Variants in ANKRD30BL observed in about 807,000 individuals in gnomAD.
The protein encoded by ANKRD30BL is ankyrin repeat domain 30B like, also known as putative ankyrin repeat domain-containing protein 30B-like.
Under a neutral mutation model 18.4 loss-of-function variants are expected in ANKRD30BL, and 20 were observed. That is an observed-to-expected ratio of 1.09 (90% confidence interval 0.77 to 1.58). ANKRD30BL has a LOEUF of 1.58. Among genes scored for constraint, ANKRD30BL ranks in the 40% most tolerant of loss-of-function variants. ANKRD30BL has a pLI of 0.00. For synonymous variants in ANKRD30BL, 72 were observed against 100.9 expected, an observed-to-expected ratio of 0.71 and a Z score of 1.72; for missense variants, 224 against 268.6, an observed-to-expected ratio of 0.83 and a Z score of 1.16.
At chr2:132,221,392 C>A (rs1439378449) in intron 1 of ANKRD30BL, among the ~76,000 whole-genome samples, 18 of 136,800 alleles carry the variant, frequency 1.3e-4, no homozygotes, top group African/African-American at 5.1e-4. Context: ...CCCTGCCCGG[C>A]CAGCCGCCCC....
intron 1 of ANKRD30BL, among the ~76,000 whole-genome samples, chr2:132,208,912 T>A (rs1173326797): frequency 6.6e-6 from 1 of 151,120 alleles, no homozygotes; most frequent in African/African-American, 2.4e-5. Flanking sequence ...GAGTTGAACT[T>A]TTCTTTTGAT....
At chr2:132,214,553 A>C (rs1423733711) in intron 1 of ANKRD30BL, among the ~76,000 whole-genome samples, 1 of 151,850 alleles carries the variant, frequency 6.6e-6, no homozygotes, top group African/African-American at 2.4e-5. Context: ...TGATATGTGC[A>C]TTCATATCAT....
chr2:132,198,324 C>CT (rs773252461), intron 1 of ANKRD30BL, among the ~76,000 whole-genome samples: 2,914 of 16,842 alleles, frequency 0.17, 217 homozygotes, highest in Non-Finnish European at 0.27. Context: ...TTCTTTCTTT[C>CT]TTTTTTTTTT....
intron 1 of ANKRD30BL, among the ~76,000 whole-genome samples, chr2:132,211,658 G>A (rs1473663336): frequency 6.6e-6 from 1 of 152,016 alleles, no homozygotes; most frequent in Admixed American, 6.6e-5. Flanking sequence ...TGATTGAGCA[G>A]TTTTGAAACC....
At chr2:132,150,231 C>A (rs1687721844) in intron 5 of ANKRD30BL, among the ~76,000 whole-genome samples, 1 of 125,690 alleles carries the variant, frequency 8.0e-6, no homozygotes, top group Non-Finnish European at 1.5e-5. Context: ...AATAAAGAAA[C>A]AAACAAATAA....
intron 1 of ANKRD30BL, among the ~76,000 whole-genome samples, chr2:132,227,151 A>G (rs1346587596): frequency 2.0e-5 from 3 of 152,084 alleles, no homozygotes; most frequent in Non-Finnish European, 2.9e-5. Context: ...CTTTTTGTAG[A>G]ATATGCTAGT....
At chr2:132,201,843 G>C (rs992550808) in intron 1 of ANKRD30BL, among the ~76,000 whole-genome samples, 1 of 152,152 alleles carries the variant, frequency 6.6e-6, no homozygotes, top group African/African-American at 2.4e-5. Flanking sequence ...ACATGCACAC[G>C]TATGTTTATT....
chr2:132,202,163 G>A lies in ANKRD30BL; in HGVS notation n.442-45017C>T, dbSNP rs183265478. On this transcript the variant is annotated intron_variant and non_coding_transcript_variant, in intron 1 of 4. Transcript: ENST00000470729. ...GTTGTGGGGTGGAGGCAGGGGGGAGGGATAGCATTGGGAGTATACCTAATG... is the reference window on the plus strand; with the variant it reads ...GTTGTGGGGTGGAGGCAGGGGGGAGAGATAGCATTGGGAGTATACCTAATG... Among the ~76,000 whole-genome samples the A allele has an allele frequency of 1.5e-4, 21 of 141,664 alleles. No homozygotes were observed. The East Asian group carries it at 3.7e-3, about 25-fold the overall frequency. 92.9% of individuals were successfully genotyped at this position (141,664 alleles called of 152,430 possible). A position where few individuals can be genotyped will look rare whatever the true frequency, so the allele number is the denominator to read the frequency against.
At chr2:132,184,603 T>C (rs902280742) in intron 1 of ANKRD30BL, among the ~76,000 whole-genome samples, 2 of 152,226 alleles carry the variant, frequency 1.3e-5, no homozygotes, top group Non-Finnish European at 2.9e-5. Flanking sequence ...TTTCCATAAG[T>C]TATCCCCAAG....
chr2:132,219,317 A>C (rs927544714), intron 1 of ANKRD30BL, among the ~76,000 whole-genome samples: 4 of 151,506 alleles, frequency 2.6e-5, no homozygotes, highest in Admixed American at 6.6e-5. Context: ...GAATATCTTC[A>C]CGTAATCACT....
In ANKRD30BL at chr2:132,230,461, A is replaced by T. The variant is rs566927289; in HGVS notation, n.441+27068T>A. On this transcript the variant is annotated intron_variant and non_coding_transcript_variant, in intron 1 of 4. Coordinates refer to the ANKRD30BL transcript ENST00000470729. Reference sequence around the variant, plus strand: ...TGGAGCGCTTTGAGGGCTATGGTTGAAAAGGAAATATCTTCCCATAAATAC... The same window carrying T: ...TGGAGCGCTTTGAGGGCTATGGTTGTAAAGGAAATATCTTCCCATAAATAC... Among the ~76,000 whole-genome samples, 132 of 152,202 alleles carry T rather than the reference A, an allele frequency of 8.7e-4. 1 individual carries two copies. The highest frequency in any genetic ancestry group is 6.8e-3 in the Middle Eastern group (2 of 294).
intron 1 of ANKRD30BL, among the ~76,000 whole-genome samples, chr2:132,187,327 T>C (rs1688584560): frequency 1.3e-5 from 2 of 151,478 alleles, no homozygotes; most frequent in South Asian, 4.2e-4. Flanking sequence ...TGGGAGTAGC[T>C]AGGATTACAG....
At chr2:132,256,828 G>C in intron 1 of ANKRD30BL, 1 of 375,924 alleles carries the variant, frequency 2.7e-6, no homozygotes, top group South Asian at 1.9e-5. Flanking sequence ...TTTGGTCCCA[G>C]ACGGGGCCAC....
intron 1 of ANKRD30BL, among the ~76,000 whole-genome samples, chr2:132,251,861 A>G (rs1343565646): frequency 6.6e-6 from 1 of 152,270 alleles, no homozygotes; most frequent in African/African-American, 2.4e-5. Context: ...AAACTTGGTA[A>G]TGAGCCTTTA....
intron 1 of ANKRD30BL, among the ~76,000 whole-genome samples, chr2:132,182,672 G>A (rs1457441463): frequency 6.6e-6 from 1 of 152,064 alleles, no homozygotes; most frequent in African/African-American, 2.4e-5. Context: ...TGATCTATAA[G>A]TCTAAAAACA....
chr2:132,186,890 A>G (rs1377519429), intron 1 of ANKRD30BL, among the ~76,000 whole-genome samples: 4 of 152,070 alleles, frequency 2.6e-5, no homozygotes, highest in Admixed American at 6.6e-5. Context: ...TCAGAATTGC[A>G]TAGGACATAT....
At chr2:132,200,312 G>A (rs1403787895) in intron 1 of ANKRD30BL, among the ~76,000 whole-genome samples, 4 of 151,672 alleles carry the variant, frequency 2.6e-5, no homozygotes, top group South Asian at 2.1e-4. Flanking sequence ...GGCAGGAGAA[G>A]GAAATAAAGG....
chr2:132,207,536 T>C (rs1679234321), intron 1 of ANKRD30BL, among the ~76,000 whole-genome samples: 1 of 152,178 alleles, frequency 6.6e-6, no homozygotes, highest in African/African-American at 2.4e-5. Context: ...AGAAGTATTT[T>C]TTACAAAGGT....
chr2:132,216,142 T>C (rs1344166974), intron 1 of ANKRD30BL, among the ~76,000 whole-genome samples: 1 of 151,788 alleles, frequency 6.6e-6, no homozygotes, highest in East Asian at 1.9e-4. Context: ...TGCAAGTGGA[T>C]ATTTGGAGCA....
Sources: gnomAD v4.1 joint callset for allele counts (sites outside exome capture counted in the v4.1 genomes callset) on GRCh38, gnomAD v4.1.1 for gene constraint, MANE v1.5 for transcripts, NCBI Gene and HGNC (gene_info 2026-07-23, HGNC 2026-07-21) for gene names.